PTPRF: variants seen among roughly 807,000 people sequenced by gnomAD.
PTPRF encodes receptor-type tyrosine-protein phosphatase F.
Under a neutral mutation model 201.8 loss-of-function variants are expected in PTPRF, and 59 were observed. That is an observed-to-expected ratio of 0.29 (90% CI 0.24 to 0.36). PTPRF has a LOEUF of 0.36. Among genes scored for constraint, PTPRF ranks in the 10% least tolerant of loss-of-function variants. The probability of loss-of-function intolerance (pLI) is 1.00; values close to 1 mark genes in which losing one functional copy is unlikely to be tolerated. For synonymous variants in PTPRF, 1,088 were observed against 1,089.7 expected, an observed-to-expected ratio of 1.00 and a Z score of 0.03; for missense variants, 2,132 against 2,690.5, an observed-to-expected ratio of 0.79 and a Z score of 4.59.
rs906685957 is a variant in PTPRF, at chr1:43,537,412, G to A, written c.-125-786G>A. Among the ~76,000 whole-genome samples the A allele has an allele frequency of 2.6e-5, 4 of 152,154 alleles. No homozygotes were observed. The highest frequency in any genetic ancestry group is 7.2e-5 in the African/African-American group (3 of 41,434). ...TGTTGGGGTGTGTTCTTCCAGGCTGGGCTGTTTTCTTTGAACTCATTCATG... is the reference window on the plus strand; with the variant it reads ...TGTTGGGGTGTGTTCTTCCAGGCTGAGCTGTTTTCTTTGAACTCATTCATG... On this transcript the variant is annotated intron_variant, in intron 1 of 33. Transcript: ENST00000359947. The surrounding 1 kb of genome is among the most constrained non-coding windows in gnomAD (Gnocchi z 4.8).
chr1:43,561,356 A>T (rs1169525794), intron 5 of PTPRF, among the ~76,000 whole-genome samples: 1 of 152,100 alleles, frequency 6.6e-6, no homozygotes, highest in Non-Finnish European at 1.5e-5. Context: ...CCTTCCACCC[A>T]TGGTGGAATG....
chr1:43,593,488 C>T lies in PTPRF; in HGVS notation c.1813+887C>T, dbSNP rs75646834. 7.0e-3 allele frequency among the ~76,000 whole-genome samples: 1,072 copies of T among 152,218 alleles called. 14 individuals are homozygous for T. Among genetic ancestry groups the T allele is most frequent in the African/African-American group, 0.025 (1,029 of 41,518 alleles). On this transcript the variant is annotated intron_variant, in intron 11 of 33. Transcript: ENST00000359947. ...GTCACACAGCCACAGTCAGCTGCTG[C>T]GTGAGACTCTGTGTGATAGGGTGTC...
intron 5 of PTPRF, among the ~76,000 whole-genome samples, chr1:43,559,601 T>TGC (rs1645647396): frequency 6.6e-6 from 1 of 150,834 alleles, no homozygotes; most frequent in African/African-American, 2.4e-5. Context: ...TGTGTGTGTG[T>TGC]ACAGCAGGTG....
chr1:43,620,114 G>A lies in PTPRF; in HGVS notation c.5131G>A (p.Ala1711Thr). The A allele has an allele frequency of 6.2e-7, 1 of 1,614,092 alleles. No individual in the cohort carries two copies. Among genetic ancestry groups the A allele is most frequent in the Non-Finnish European group, 8.5e-7 (1 of 1,179,980 alleles). ...CCCCAGACAGCAGAAGGCCTACATA[G>A]CTACACAGGGGCCTCTGGCAGAGAG... ...DGYRQQKAYIATQGPLAESTE... is the reference protein window; with the variant it reads ...DGYRQQKAYITTQGPLAESTE... Residue 1711 changes from alanine (A) to threonine (T), a missense_variant, in exon 30 of 34, where the codon GCT (alanine) becomes ACT (threonine). Physicochemically the swap from Ala to Thr is moderately conservative, Grantham distance 58 (BLOSUM62 0). This residue lies in a region of PTPRF where 519 missense variants were observed against 659.5 expected (regional missense o/e 0.79). Coordinates refer to ENST00000359947, the MANE Select transcript of PTPRF (RefSeq NM_002840.5).
At chr1:43,599,402 C>A (rs1224944534) in intron 13 of PTPRF, among the ~76,000 whole-genome samples, 1 of 152,136 alleles carries the variant, frequency 6.6e-6, no homozygotes, top group Non-Finnish European at 1.5e-5. Flanking sequence ...ATGTGCCTTT[C>A]CCCTAGACAG....
At chr1:43,619,879 C>G in intron 29 of PTPRF, 21 bp downstream of exon 29, 1 of 1,611,242 alleles carries the variant, frequency 6.2e-7, no homozygotes, top group Non-Finnish European at 8.5e-7. Flanking sequence ...ATGTCACTGC[C>G]CCACCATGCC....
chr1:43,572,539 C>T (rs1646645672), intron 6 of PTPRF, among the ~76,000 whole-genome samples: 1 of 152,150 alleles, frequency 6.6e-6, no homozygotes, highest in Non-Finnish European at 1.5e-5. Flanking sequence ...GGCCTGGGAC[C>T]GTTGGCCTCA....
At chr1:43,596,254 G>A (rs1484924719) in intron 11 of PTPRF, among the ~76,000 whole-genome samples, 1 of 152,170 alleles carries the variant, frequency 6.6e-6, no homozygotes, top group Non-Finnish European at 1.5e-5. Flanking sequence ...TCTGCAAGGG[G>A]ATGTGAGAGC....
intron 5 of PTPRF, among the ~76,000 whole-genome samples, chr1:43,563,770 C>T (rs1395627278): frequency 2.0e-5 from 3 of 152,088 alleles, no homozygotes; most frequent in Non-Finnish European, 4.4e-5. Flanking sequence ...ACTGGAAGGG[C>T]CCGAACCTAG....
intron 1 of PTPRF, among the ~76,000 whole-genome samples, chr1:43,532,188 C>A (rs1049336868): frequency 6.6e-6 from 1 of 152,198 alleles, no homozygotes. Flanking sequence ...TAGGCGCCCC[C>A]CCATTTCCCT....
intron 11 of PTPRF, among the ~76,000 whole-genome samples, chr1:43,597,060 A>T (rs1015876847): frequency 6.6e-6 from 1 of 151,926 alleles, no homozygotes; most frequent in African/African-American, 2.4e-5. Flanking sequence ...TGTATGTGAC[A>T]GTGTGTGTGT....
chr1:43,567,209 G>A (rs1473665269), intron 5 of PTPRF, among the ~76,000 whole-genome samples: 2 of 152,190 alleles, frequency 1.3e-5, no homozygotes, highest in East Asian at 3.9e-4. Flanking sequence ...AGCCCCGAGT[G>A]TCCCCAGGTG....
intron 5 of PTPRF, among the ~76,000 whole-genome samples, chr1:43,566,109 T>C (rs972782638): frequency 1.4e-4 from 22 of 152,214 alleles, no homozygotes; most frequent in African/African-American, 4.6e-4. Flanking sequence ...GGCTCTGCAG[T>C]GGAGCCTGAG....
chr1:43,609,461 C>T lies in PTPRF; in HGVS notation c.3936C>T (p.Asp1312=). 1 of 1,614,056 alleles carries T rather than the reference C, an allele frequency of 6.2e-7. No homozygotes were observed. Among genetic ancestry groups the T allele is most frequent in the Non-Finnish European group, 8.5e-7 (1 of 1,179,976 alleles). The change falls in exon 22 of 34, where the codon GAC becomes GAT. Residue 1312 remains aspartate (D), a synonymous_variant. Coordinates refer to ENST00000359947, the MANE Select transcript of PTPRF (RefSeq NM_002840.5). ...LKDSLLAHSS[D]PVEMRRLNYQ... The stretch of plus-strand genomic sequence containing the variant: ...ACTCCTTGCTGGCCCACTCCTCTGA[C>T]CCTGTGGAGATGCGGAGGCTCAACT...
At chr1:43,616,740 G>A (rs569074805) in intron 23 of PTPRF, among the ~76,000 whole-genome samples, 8 of 152,234 alleles carry the variant, frequency 5.3e-5, no homozygotes, top group East Asian at 3.9e-4. Flanking sequence ...AGGACCTCCC[G>A]GTGGAGGTGT....
At chr1:43,569,462 G>A in intron 5 of PTPRF, 128 bp from the exon 6 acceptor site, 1 of 922,718 alleles carries the variant, frequency 1.1e-6, no homozygotes, top group Non-Finnish European at 1.6e-6. Flanking sequence ...TTCATGCTTA[G>A]AAGTCAAGGA....
At chr1:43,596,258 T>C (rs1010583810) in intron 11 of PTPRF, among the ~76,000 whole-genome samples, 13 of 151,972 alleles carry the variant, frequency 8.6e-5, no homozygotes, top group African/African-American at 2.9e-4. Context: ...CAAGGGGATG[T>C]GAGAGCCCGT....
In PTPRF at chr1:43,619,395, C is replaced by T. The variant is rs768112017; in HGVS notation, c.4754C>T (p.Ser1585Leu). The change falls in exon 28 of 34, where the codon TCA becomes TTA. Residue 1585 changes from serine to leucine, a missense_variant. Physicochemically the swap from Ser to Leu is moderately radical, Grantham distance 145 (BLOSUM62 -2). This residue lies in a region of PTPRF where 519 missense variants were observed against 659.5 expected (regional missense o/e 0.79). Coordinates refer to ENST00000359947, the MANE Select transcript of PTPRF (RefSeq NM_002840.5). ...TATGGCCACGTGACCTGCATGCGATCACAGAGGAACTACATGGTGCAGACG... is the reference window on the plus strand; with the variant it reads ...TATGGCCACGTGACCTGCATGCGATTACAGAGGAACTACATGGTGCAGACG... Reference protein sequence around the residue: ...DIYGHVTCMRSQRNYMVQTED... With the variant: ...DIYGHVTCMRLQRNYMVQTED... The T allele has an allele frequency of 1.9e-6, 3 of 1,614,128 alleles. No individual in the cohort carries two copies. The highest frequency in any genetic ancestry group is 2.5e-6 in the Non-Finnish European group (3 of 1,180,036).
chr1:43,617,327 G>C (rs918484959), intron 23 of PTPRF, 118 bp from the exon 24 acceptor site: 6 of 1,428,064 alleles, frequency 4.2e-6, no homozygotes, highest in African/African-American at 1.4e-5. Flanking sequence ...GGGCCTGGCT[G>C]TGGCCTGTGG....
Sources: allele counts gnomAD v4.1 joint callset (sites outside exome capture counted in the v4.1 genomes callset), GRCh38; gene constraint gnomAD v4.1.1; regional missense constraint gnomAD v4.1.1; non-coding constraint Gnocchi (gnomAD v3.1); transcripts MANE v1.5; gene names NCBI Gene and HGNC (gene_info 2026-07-23, HGNC 2026-07-21).